Variants in ANKS1B observed in about 807,000 individuals in gnomAD.
ANKS1B encodes ankyrin repeat and sterile alpha motif domain containing 1B, also known as ankyrin repeat and sterile alpha motif domain-containing protein 1B.
Under a neutral mutation model 148.3 loss-of-function variants are expected in ANKS1B, and 36 were observed. The observed-to-expected ratio is 0.24, with a 90% CI of 0.19 to 0.32. The LOEUF (loss-of-function observed/expected upper bound fraction) is 0.32. ANKS1B is among the 10% of genes least tolerant of loss of function. The probability of loss-of-function intolerance (pLI) is 1.00; values close to 1 mark genes in which losing one functional copy is unlikely to be tolerated. For synonymous variants in ANKS1B, 542 were observed against 560.8 expected (o/e 0.97, Z 0.47); for missense variants, 1,157 against 1,542.6 (o/e 0.75, Z 4.19).
At chr12:99,569,686 A>T (rs2153221256) in intron 9 of ANKS1B, among the ~76,000 whole-genome samples, 1 of 152,312 alleles carries the variant, frequency 6.6e-6, no homozygotes, top group East Asian at 1.9e-4. Flanking sequence ...CCTTAGTTGA[A>T]GAGAGCCTTT....
At chr12:98,939,485 A>C (rs1351499528) in intron 17 of ANKS1B, among the ~76,000 whole-genome samples, 1 of 152,220 alleles carries the variant, frequency 6.6e-6, no homozygotes, top group East Asian at 1.9e-4. Context: ...CCAAGCACTT[A>C]AGTGCCATGT....
At chr12:99,838,644 T>C (rs957504797) in intron 1 of ANKS1B, among the ~76,000 whole-genome samples, 3 of 152,166 alleles carry the variant, frequency 2.0e-5, no homozygotes, top group African/African-American at 7.2e-5. Context: ...AATCATTCTA[T>C]CTTTCTTTAA....
At chr12:99,931,190 G>C (rs1297984134) in intron 1 of ANKS1B, among the ~76,000 whole-genome samples, 1 of 152,046 alleles carries the variant, frequency 6.6e-6, no homozygotes, top group Non-Finnish European at 1.5e-5. Context: ...AGGGACTGTT[G>C]TGGGGTCGGG....
chr12:99,688,002 T>C (rs779850522), intron 8 of ANKS1B, among the ~76,000 whole-genome samples: 20 of 152,210 alleles, frequency 1.3e-4, no homozygotes, highest in Non-Finnish European at 2.5e-4. Flanking sequence ...TAAACTTTGT[T>C]AGGATAATTC....
chr12:99,894,888 GT>G (rs1433141612), intron 1 of ANKS1B, among the ~76,000 whole-genome samples: 2 of 150,398 alleles, frequency 1.3e-5, no homozygotes, highest in Non-Finnish European at 3.0e-5. Context: ...TTCTGAACAT[GT>G]TTAAGGTAGG....
intron 12 of ANKS1B, among the ~76,000 whole-genome samples, chr12:99,295,095 A>G (rs1179487822): frequency 6.6e-6 from 1 of 152,202 alleles, no homozygotes; most frequent in Non-Finnish European, 1.5e-5. Flanking sequence ...TACCCATAAA[A>G]AAATTGGCTG....
intron 12 of ANKS1B, among the ~76,000 whole-genome samples, chr12:99,334,900 C>G (rs903336842): frequency 6.6e-6 from 1 of 152,000 alleles, no homozygotes; most frequent in Non-Finnish European, 1.5e-5. Context: ...CCTTCTCTTA[C>G]AGCTACCTCA....
At chr12:99,662,450 T>C (rs141838274) in intron 8 of ANKS1B, among the ~76,000 whole-genome samples, 38 of 152,314 alleles carry the variant, frequency 2.5e-4, no homozygotes, top group African/African-American at 8.7e-4. Flanking sequence ...ACTTGGCTAG[T>C]ACATTGAATA....
chr12:99,246,991 C>T (rs2073946317), intron 12 of ANKS1B, 127 bp from the exon 13 acceptor site: 1 of 740,676 alleles, frequency 1.4e-6, no homozygotes, highest in Non-Finnish European at 2.2e-6. Context: ...AATACCTTCA[C>T]TTTATGAAAT....
intron 17 of ANKS1B, among the ~76,000 whole-genome samples, chr12:99,029,831 T>C (rs1462823119): frequency 6.6e-5 from 10 of 152,244 alleles, no homozygotes; most frequent in Admixed American, 5.9e-4. Context: ...GGCTCCACCA[T>C]GTTCTCAATG....
chr12:99,528,543 A>G (rs150884974), intron 9 of ANKS1B, among the ~76,000 whole-genome samples: 4 of 152,238 alleles, frequency 2.6e-5, no homozygotes, highest in African/African-American at 9.6e-5. Flanking sequence ...CAAATCTATA[A>G]AAAACTTTTA....
chr12:99,256,246 T>A (rs1370062285), intron 12 of ANKS1B, among the ~76,000 whole-genome samples: 1 of 143,880 alleles, frequency 7.0e-6, no homozygotes, highest in African/African-American at 2.6e-5. Flanking sequence ...TGAAACTCCA[T>A]CTCAAAAAAA....
intron 10 of ANKS1B, among the ~76,000 whole-genome samples, chr12:99,463,492 C>T (rs2096026274): frequency 6.6e-6 from 1 of 152,206 alleles, no homozygotes; most frequent in South Asian, 2.1e-4. Flanking sequence ...CGAGGCATTG[C>T]CTCACTTGGG....
chr12:99,647,932 C>A, intron 9 of ANKS1B: 1 of 524,178 alleles, frequency 1.9e-6, no homozygotes, highest in Non-Finnish European at 3.3e-6. Context: ...GTGCTCCTGA[C>A]AGCTCCATGC....
At chr12:99,953,411 T>C (rs1332704709) in intron 1 of ANKS1B, among the ~76,000 whole-genome samples, 2 of 152,182 alleles carry the variant, frequency 1.3e-5, no homozygotes, top group Non-Finnish European at 2.9e-5. Context: ...GTTGTTTCAA[T>C]AGCATATGAG....
At position 99,154,603 on chromosome 12, in the gene ANKS1B, A is replaced by G. The variant is rs141675048; in HGVS notation, c.2420-208T>C. ...TAGTTTGCCAGGCAGGCTGTGGAGT[A>G]TGACTTGATCCTAGCTCCACATTTC... On this transcript the variant is annotated intron_variant, in intron 14 of 26. Transcript: ENST00000683438. The G allele has an allele frequency of 8.8e-4, 1,290 of 1,472,428 alleles. 12 individuals are homozygous for G. In the African/African-American group the frequency reaches 0.017, roughly 19 times the overall value. The allele number at this position is 1,472,428 out of a possible 1,614,324, so 91.2% of individuals were successfully genotyped here.
chr12:99,789,859 G>T (rs1050945281), intron 4 of ANKS1B, among the ~76,000 whole-genome samples: 19 of 152,146 alleles, frequency 1.2e-4, no homozygotes, highest in Non-Finnish European at 2.5e-4. Context: ...CTGCTTTCAA[G>T]ATCTAGACAA....
chr12:99,945,246 G>A (rs1342571105), intron 1 of ANKS1B, among the ~76,000 whole-genome samples: 1 of 151,962 alleles, frequency 6.6e-6, no homozygotes, highest in Non-Finnish European at 1.5e-5. Context: ...CATTTAACCT[G>A]GGAAGAAAGT....
intron 1 of ANKS1B, among the ~76,000 whole-genome samples, chr12:99,930,717 A>G (rs1186599597): frequency 6.6e-6 from 1 of 152,216 alleles, no homozygotes; most frequent in East Asian, 1.9e-4. Context: ...GGATGTGGAG[A>G]AATAGGAATA....
Sources: gnomAD v4.1 joint callset for allele counts (sites outside exome capture counted in the v4.1 genomes callset) on GRCh38, gnomAD v4.1.1 for gene constraint, MANE v1.5 for transcripts, NCBI Gene and HGNC (gene_info 2026-07-23, HGNC 2026-07-21) for gene names.